Variants in ZNF487 observed in about 807,000 individuals in gnomAD.
ZNF487 encodes zinc finger protein 487.
In ZNF487, 4 loss-of-function variants were observed where a neutral mutation model predicts 3.0. The ratio of observed to expected loss-of-function variants is 1.35; its 90% CI spans 0.66 to 3.08. ZNF487 has a LOEUF of 3.08. Among genes scored for constraint, ZNF487 ranks in the 30% most tolerant of loss-of-function variants. ZNF487 has a pLI of 0.01. For synonymous variants in ZNF487, 55 were observed against 34.6 expected (o/e 1.59, Z -2.06); for missense variants, 146 against 98.7 (o/e 1.48, Z -2.03).
intron 1 of ZNF487, among the ~76,000 whole-genome samples, chr10:43,450,404 G>A (rs1839965739): frequency 6.6e-6 from 1 of 152,042 alleles, no homozygotes; most frequent in Admixed American, 6.6e-5. Context: ...CCAGGCTGGA[G>A]TGCAATGGTG....
intron 1 of ZNF487, among the ~76,000 whole-genome samples, chr10:43,443,649 C>T (rs1440387119): frequency 6.6e-6 from 1 of 151,952 alleles, no homozygotes; most frequent in Non-Finnish European, 1.5e-5. Flanking sequence ...GCTGGGATTA[C>T]AGGAGTGAGC....
At chr10:43,441,965 G>A (rs1839627989) in intron 1 of ZNF487, among the ~76,000 whole-genome samples, 1 of 152,168 alleles carries the variant, frequency 6.6e-6, no homozygotes, top group Non-Finnish European at 1.5e-5. Context: ...GTAGGCTTAT[G>A]CCTGTAATCT....
At chr10:43,480,728 C>T (rs1588747227) in intron 3 of ZNF487, among the ~76,000 whole-genome samples, 1 of 145,542 alleles carries the variant, frequency 6.9e-6, no homozygotes, top group Non-Finnish European at 1.5e-5. Flanking sequence ...CTCTCTCTCT[C>T]TTTTTTTTTT....
rs1175324598 is a variant in ZNF487 at position 43,481,881 on chromosome 10, T to A, written c.583T>A (p.Cys195Ser). ...GAAGGCTTTTCATGAAGAGGCAGCC[T>A]GCAGTACCCATAAGAGAGTGTGCTC... ...CGKAFHEEAA[C>S]STHKRVCSWE... The change falls in exon 4 of 4, where the codon TGC becomes AGC. Residue 195 changes from cysteine to serine, a missense_variant. Transcript: ENST00000437590. 1.4e-6 allele frequency: 1 copy of A among 700,294 alleles called. No individual in the cohort carries two copies. The highest frequency in any genetic ancestry group is 2.7e-5 in the East Asian group (1 of 37,284). The allele number at this position is 700,294 out of a possible 1,614,324, so 43.4% of individuals were successfully genotyped here.
rs59036137 is a variant in ZNF487 at position 43,464,460 on chromosome 10, G to A, written c.-93-11261G>A. 4.7e-3 allele frequency among the ~76,000 whole-genome samples: 720 copies of A among 152,108 alleles called. 7 individuals carry two copies. The highest frequency in any genetic ancestry group is 0.017 in the African/African-American group (695 of 41,494). On this transcript the variant is annotated intron_variant, in intron 1 of 3. Coordinates refer to ENST00000437590, the MANE Select transcript of ZNF487 (RefSeq NM_001355444.3). ...GGTCATAGGACAATAGTGGAGGGAAGGTCAGCAGATAAACAAGTGAACAAA... is the reference window on the plus strand; with the variant it reads ...GGTCATAGGACAATAGTGGAGGGAAAGTCAGCAGATAAACAAGTGAACAAA...
chr10:43,516,341 C>G, the ZNF487 span, among the ~76,000 whole-genome samples: 1 of 152,118 alleles, frequency 6.6e-6, no homozygotes, highest in South Asian at 2.1e-4. Flanking sequence ...TCATAGCAAG[C>G]AGCTAACTCC....
chr10:43,449,377 CA>C (rs1564414281), intron 1 of ZNF487, among the ~76,000 whole-genome samples: 1 of 152,018 alleles, frequency 6.6e-6, no homozygotes. Flanking sequence ...TTGACATACA[CA>C]AGTCACAGAG....
At chr10:43,444,478 T>C (rs1399651328) in intron 1 of ZNF487, among the ~76,000 whole-genome samples, 2 of 152,196 alleles carry the variant, frequency 1.3e-5, no homozygotes, top group Non-Finnish European at 2.9e-5. Context: ...TGCTTTCATT[T>C]TTGAAAGACA....
the ZNF487 span, among the ~76,000 whole-genome samples, chr10:43,515,870 GTT>G: frequency 6.6e-6 from 1 of 152,112 alleles, no homozygotes; most frequent in Non-Finnish European, 1.5e-5. Context: ...TGCCTCCAGG[GTT>G]CAAGTGATTC....
At chr10:43,504,970 T>C in the ZNF487 span, among the ~76,000 whole-genome samples, 17 of 152,260 alleles carry the variant, frequency 1.1e-4, no homozygotes, top group African/African-American at 4.1e-4. Flanking sequence ...CCTCCCAAAG[T>C]GTTGGGATTA....
the ZNF487 span, among the ~76,000 whole-genome samples, chr10:43,520,009 G>C: frequency 6.6e-6 from 1 of 152,138 alleles, no homozygotes; most frequent in Non-Finnish European, 1.5e-5. Context: ...ATATAATAAA[G>C]TCTTATTGCT....
the ZNF487 span, among the ~76,000 whole-genome samples, chr10:43,507,305 CT>C: frequency 9.9e-5 from 15 of 152,176 alleles, no homozygotes; most frequent in African/African-American, 3.6e-4. Flanking sequence ...CACCCACCCC[CT>C]GGGACAGGTC....
At chr10:43,505,592 A>G in the ZNF487 span, among the ~76,000 whole-genome samples, 2 of 151,466 alleles carry the variant, frequency 1.3e-5, no homozygotes, top group African/African-American at 4.8e-5. Context: ...CCATAATTAC[A>G]TTTTTATACA....
chr10:43,445,672 A>T (rs1302497349), intron 1 of ZNF487, among the ~76,000 whole-genome samples: 4 of 143,440 alleles, frequency 2.8e-5, no homozygotes, highest in Admixed American at 6.9e-5. Context: ...ATTTTATTTT[A>T]TTTTGTTTTA....
At chr10:43,468,679 C>CAA (rs71016773) in intron 1 of ZNF487, among the ~76,000 whole-genome samples, 657 of 35,500 alleles carry the variant, frequency 0.019, 18 homozygotes, top group East Asian at 0.031. Context: ...AACTCTGTCT[C>CAA]AAAAAAAAAA....
At chr10:43,465,194 A>AC (rs1245002765) in intron 1 of ZNF487, among the ~76,000 whole-genome samples, 10 of 125,174 alleles carry the variant, frequency 8.0e-5, no homozygotes, top group African/African-American at 1.3e-4. Flanking sequence ...CGGGGGGCTG[A>AC]CCCCCCCACC....
At chr10:43,439,241 CA>C (rs912983633) in intron 1 of ZNF487, among the ~76,000 whole-genome samples, 2 of 150,226 alleles carry the variant, frequency 1.3e-5, no homozygotes, top group South Asian at 2.1e-4. Flanking sequence ...GATTCCGTCT[CA>C]AAAAAAAATC....
intron 1 of ZNF487, among the ~76,000 whole-genome samples, chr10:43,448,073 TCC>T (rs1270909526): frequency 1.3e-5 from 2 of 151,278 alleles, no homozygotes; most frequent in East Asian, 3.9e-4. Flanking sequence ...TACTGCAAGT[TCC>T]ACCTCCCGGG....
chr10:43,495,831 T>C, the ZNF487 span, among the ~76,000 whole-genome samples: 7 of 152,178 alleles, frequency 4.6e-5, no homozygotes, highest in African/African-American at 7.2e-5. Context: ...AATTAATACA[T>C]GGTTAAGGTA....
Sources: allele counts gnomAD v4.1 joint callset (sites outside exome capture counted in the v4.1 genomes callset), GRCh38; gene constraint gnomAD v4.1.1; transcripts MANE v1.5; gene names NCBI Gene and HGNC (gene_info 2026-07-23, HGNC 2026-07-21).